Variants in KDM4C observed in about 807,000 individuals in gnomAD.
KDM4C encodes lysine demethylase 4C.
In KDM4C, 81 loss-of-function variants were observed where a neutral mutation model predicts 129.3. The ratio of observed to expected loss-of-function variants is 0.63; its 90% CI spans 0.52 to 0.75. The LOEUF is 0.75. Ranked by LOEUF, KDM4C falls within the 30% of genes least tolerant of loss-of-function variation. The pLI is 0.00. For synonymous variants in KDM4C, 573 were observed against 456.1 expected (o/e 1.26, Z -3.26); for missense variants, 1,457 against 1,304.0 (o/e 1.12, Z -1.81).
At position 6,938,915 on chromosome 9, in the gene KDM4C, A is replaced by C. The variant is rs546614333; in HGVS notation, c.922-42010A>C. On this transcript the variant is annotated intron_variant, in intron 8 of 21. Transcript: ENST00000381309. Reference sequence around the variant, plus strand: ...CTCATGTTTCATTTATGAGGAATGCATAGACCTGTTACTCAAAGCAACATT... The same window carrying C: ...CTCATGTTTCATTTATGAGGAATGCCTAGACCTGTTACTCAAAGCAACATT... Among the ~76,000 whole-genome samples the C allele has an allele frequency of 3.3e-5, 5 of 152,248 alleles. No individual in the cohort carries two copies. In the South Asian group the frequency reaches 1.0e-3, roughly 32 times the overall value.
intron 8 of KDM4C, among the ~76,000 whole-genome samples, chr9:6,938,671 C>A (rs1371107110): frequency 6.6e-6 from 1 of 152,162 alleles, no homozygotes; most frequent in Non-Finnish European, 1.5e-5. Context: ...AATGCAGAGC[C>A]TTTTGAAGAG....
At chr9:6,998,383 A>G (rs1261410515) in intron 12 of KDM4C, among the ~76,000 whole-genome samples, 1 of 152,254 alleles carries the variant, frequency 6.6e-6, no homozygotes, top group Non-Finnish European at 1.5e-5. Context: ...GTTGTTTTGA[A>G]GAATAAAATG....
At chr9:6,989,179 C>G (rs1249304238) in intron 11 of KDM4C, among the ~76,000 whole-genome samples, 3 of 152,150 alleles carry the variant, frequency 2.0e-5, no homozygotes, top group East Asian at 3.8e-4. Context: ...ATTTGTCATT[C>G]TTTTCTTATT....
chr9:6,727,315 G>T (rs536942797), intron 1 of KDM4C: 6 of 151,742 alleles, frequency 4.0e-5, no homozygotes, highest in African/African-American at 1.5e-4. Flanking sequence ...GCCAGGTGTG[G>T]TGGTGGGCTC....
chr9:7,040,337 CCCTT>C (rs1009825719), intron 15 of KDM4C, among the ~76,000 whole-genome samples: 26 of 146,004 alleles, frequency 1.8e-4, no homozygotes, highest in African/African-American at 6.3e-4. Context: ...CTCCCTCCCT[CCCTT>C]CCTCTTTCCC....
chr9:7,080,309 A>C (rs1184591783), intron 17 of KDM4C, among the ~76,000 whole-genome samples: 2 of 152,152 alleles, frequency 1.3e-5, no homozygotes, highest in Non-Finnish European at 2.9e-5. Flanking sequence ...CTAGAGCCCA[A>C]ATGTTGAGAT....
chr9:6,955,864 C>T (rs978203889), intron 8 of KDM4C, among the ~76,000 whole-genome samples: 23 of 152,230 alleles, frequency 1.5e-4, no homozygotes, highest in African/African-American at 5.1e-4. Flanking sequence ...TTGTCTAGTA[C>T]AAAATTGTTC....
chr9:6,965,376 A>T (rs973145033), intron 8 of KDM4C, among the ~76,000 whole-genome samples: 1 of 152,204 alleles, frequency 6.6e-6, no homozygotes, highest in African/African-American at 2.4e-5. Context: ...TGACTAAATT[A>T]TATAAAGTGA....
At chr9:6,781,755 G>T (rs12351262) in intron 1 of KDM4C, among the ~76,000 whole-genome samples, 94,778 of 151,836 alleles carry the variant, frequency 0.62, 30,011 homozygotes, top group African/African-American at 0.72. Context: ...TTTTCATTGC[G>T]CTATGCGTGT....
intron 1 of KDM4C, among the ~76,000 whole-genome samples, chr9:6,751,986 T>A (rs963206205): frequency 1.3e-5 from 2 of 152,164 alleles, no homozygotes; most frequent in East Asian, 1.9e-4. Flanking sequence ...TTGTTTGTGA[T>A]ACCAAAGGAG....
intron 7 of KDM4C, 87 bp from the exon 8 acceptor site, chr9:6,893,005 TTTG>T: frequency 1.9e-6 from 2 of 1,072,002 alleles, no homozygotes; most frequent in Non-Finnish European, 2.5e-6. Flanking sequence ...ACTTTTTTTC[TTTG>T]TTTTTTAATG....
At chr9:6,726,617 C>T (rs1276197093) in intron 1 of KDM4C, 1 of 152,390 alleles carries the variant, frequency 6.6e-6, no homozygotes, top group Non-Finnish European at 1.5e-5. Context: ...AACTCTCGGG[C>T]AGGTGGTCCC....
intron 3 of KDM4C, among the ~76,000 whole-genome samples, chr9:6,812,274 A>T (rs1250928565): frequency 6.6e-6 from 1 of 151,824 alleles, no homozygotes; most frequent in Non-Finnish European, 1.5e-5. Flanking sequence ...GTACATAGTG[A>T]TAGATTGGTC....
At chr9:6,830,095 A>C (rs1161015722) in intron 4 of KDM4C, among the ~76,000 whole-genome samples, 1 of 152,210 alleles carries the variant, frequency 6.6e-6, no homozygotes, top group Admixed American at 6.5e-5. Context: ...TTTCCTTATT[A>C]CAGCAAAAAA....
chr9:6,833,502 G>C (rs974016539), intron 4 of KDM4C, among the ~76,000 whole-genome samples: 10 of 152,142 alleles, frequency 6.6e-5, no homozygotes, highest in African/African-American at 2.2e-4. Flanking sequence ...GCCAGCATGG[G>C]TTAGAATTTT....
At chr9:6,766,514 A>G (rs57071745) in intron 1 of KDM4C, among the ~76,000 whole-genome samples, 2,110 of 152,130 alleles carry the variant, frequency 0.014, 61 homozygotes, top group African/African-American at 0.048. Flanking sequence ...TCCTGCTTCC[A>G]TTTTTAGCAT....
intron 12 of KDM4C, among the ~76,000 whole-genome samples, chr9:7,002,869 T>TTA: frequency 6.6e-6 from 1 of 152,306 alleles, no homozygotes; most frequent in Non-Finnish European, 1.5e-5. Flanking sequence ...CACTCTACAC[T>TTA]CTTGTGTTTT....
rs571270348 is a variant in KDM4C at position 6,766,881 on chromosome 9, G to A, written c.-18+8678G>A. ...TCTCTTGTTGAATAAGGTTAAAGAA[G>A]CGATAAATTCCTTCATTTGGCTCCC... On this transcript the variant is annotated intron_variant, in intron 1 of 21. Transcript: ENST00000381309. Among the ~76,000 whole-genome samples, 10 of 152,124 alleles carry A rather than the reference G, an allele frequency of 6.6e-5. No individual in the cohort carries two copies. In the South Asian group the frequency reaches 1.7e-3, roughly 25 times the overall value.
intron 20 of KDM4C, 35 bp downstream of exon 20, chr9:7,165,392 T>C (rs1844274294): frequency 3.1e-6 from 5 of 1,607,838 alleles, no homozygotes; most frequent in South Asian, 1.1e-5. Context: ...CTTGCTAAGA[T>C]TGACATGATA....
Sources: allele counts gnomAD v4.1 joint callset (sites outside exome capture counted in the v4.1 genomes callset), GRCh38; gene constraint gnomAD v4.1.1; transcripts MANE v1.5; gene names NCBI Gene and HGNC (gene_info 2026-07-23, HGNC 2026-07-21).